Variants in SKIC3 observed in about 807,000 individuals in gnomAD.
SKIC3 encodes SKI3 subunit of superkiller complex, also known as superkiller complex protein 3.
chr5:95,516,298 A>C, the SKIC3 span: 4 of 1,593,760 alleles, frequency 2.5e-6, no homozygotes, highest in Non-Finnish European at 2.6e-6. Flanking sequence ...TTGAGGAGAC[A>C]ATAATATAGA....
At chr5:95,485,839 G>C in the SKIC3 span, among the ~76,000 whole-genome samples, 3 of 152,130 alleles carry the variant, frequency 2.0e-5, no homozygotes, top group African/African-American at 7.2e-5. Context: ...TATTATCTAA[G>C]AAAGCACACT....
chr5:95,547,108 C>T, the SKIC3 span: 1 of 1,613,294 alleles, frequency 6.2e-7, no homozygotes, highest in Non-Finnish European at 8.5e-7. Flanking sequence ...CTGATTGCAT[C>T]TCTAGCACTT....
the SKIC3 span, chr5:95,482,595 A>G: frequency 6.2e-7 from 1 of 1,614,072 alleles, no homozygotes; most frequent in Middle Eastern, 1.6e-4. Context: ...CTCAAAAGTA[A>G]GATAACGGCT....
chr5:95,500,783 A>C, the SKIC3 span, among the ~76,000 whole-genome samples: 1 of 152,190 alleles, frequency 6.6e-6, no homozygotes. Flanking sequence ...CTTATATAAC[A>C]AATTAATAAT....
chr5:95,505,466 C>G, the SKIC3 span, among the ~76,000 whole-genome samples: 1 of 152,108 alleles, frequency 6.6e-6, no homozygotes, highest in Non-Finnish European at 1.5e-5. Context: ...AATAATGGAA[C>G]TACAGAAGGG....
At chr5:95,499,805 T>G in the SKIC3 span, among the ~76,000 whole-genome samples, 1 of 152,172 alleles carries the variant, frequency 6.6e-6, no homozygotes, top group African/African-American at 2.4e-5. Flanking sequence ...TTTTTATAAT[T>G]TAAGGATAAT....
the SKIC3 span, chr5:95,529,273 C>T: frequency 7.2e-4 from 499 of 692,304 alleles, 2 homozygotes; most frequent in Admixed American, 9.5e-3. Context: ...ATACATTTTT[C>T]TCCATCTCCA....
chr5:95,532,556 T>TTAA, the SKIC3 span, among the ~76,000 whole-genome samples: 3 of 152,134 alleles, frequency 2.0e-5, no homozygotes, highest in Non-Finnish European at 4.4e-5. Context: ...ATACTTATTC[T>TTAA]TGTTGAGAAT....
the SKIC3 span, chr5:95,540,693 T>C: frequency 6.2e-7 from 1 of 1,613,956 alleles, no homozygotes; most frequent in African/African-American, 1.3e-5. Context: ...TCAATACCAA[T>C]TGCTGAGTTT....
the SKIC3 span, chr5:95,515,120 C>G: frequency 1.9e-6 from 1 of 525,978 alleles, no homozygotes; most frequent in Admixed American, 3.1e-5. Context: ...CTGGGTGCAA[C>G]AGATTTCTCC....
chr5:95,533,248 A>G, the SKIC3 span, among the ~76,000 whole-genome samples: 1 of 152,174 alleles, frequency 6.6e-6, no homozygotes, highest in Non-Finnish European at 1.5e-5. Flanking sequence ...TGAATTTTCA[A>G]TTCTCAACAG....
chr5:95,552,139 C>T, the SKIC3 span, among the ~76,000 whole-genome samples: 1 of 152,126 alleles, frequency 6.6e-6, no homozygotes, highest in African/African-American at 2.4e-5. Context: ...TGCATTTTGA[C>T]GTACAATATT....
At chr5:95,475,039 A>G in the SKIC3 span, among the ~76,000 whole-genome samples, 1 of 152,142 alleles carries the variant, frequency 6.6e-6, no homozygotes, top group African/African-American at 2.4e-5. Context: ...TTGGGTTACA[A>G]CTTTCCCCCA....
the SKIC3 span, among the ~76,000 whole-genome samples, chr5:95,526,954 C>T: frequency 0.014 from 2,120 of 152,238 alleles, 32 homozygotes; most frequent in Non-Finnish European, 0.024. Flanking sequence ...AGGATAAATG[C>T]CTTTATTCTT....
the SKIC3 span, chr5:95,498,407 C>T: frequency 6.2e-7 from 1 of 1,614,206 alleles, no homozygotes; most frequent in Non-Finnish European, 8.5e-7. Context: ...TGCACAGCCA[C>T]ACTGCGGCCT....
At chr5:95,536,695 A>G in the SKIC3 span, 6 of 819,900 alleles carry the variant, frequency 7.3e-6, no homozygotes, top group Admixed American at 1.1e-4. Flanking sequence ...ACTTCTTTTT[A>G]TGTCCAGAAA....
the SKIC3 span, chr5:95,540,607 A>G: frequency 6.5e-7 from 1 of 1,536,102 alleles, no homozygotes; most frequent in Non-Finnish European, 9.0e-7. Flanking sequence ...TAAAATGACA[A>G]TGATCAATTA....
At chr5:95,553,843 G>A in the SKIC3 span, among the ~76,000 whole-genome samples, 1 of 151,666 alleles carries the variant, frequency 6.6e-6, no homozygotes, top group Non-Finnish European at 1.5e-5. Flanking sequence ...ACAGGCGTGA[G>A]CCACCGCGCC....
chr5:95,553,687 G>A, the SKIC3 span, among the ~76,000 whole-genome samples: 6 of 152,124 alleles, frequency 3.9e-5, no homozygotes, highest in African/African-American at 1.4e-4. Flanking sequence ...AGCCTCCCTA[G>A]TAGCTGGGAT....
Sources: allele counts gnomAD v4.1 joint callset (sites outside exome capture counted in the v4.1 genomes callset), GRCh38; gene constraint gnomAD v4.1.1; transcripts MANE v1.5; gene names NCBI Gene and HGNC (gene_info 2026-07-23, HGNC 2026-07-21).